The following PKP4 variants were observed in gnomAD, a reference collection of about 807,000 sequenced individuals.
PKP4 encodes plakophilin-4.
Under a neutral mutation model 145.1 loss-of-function variants are expected in PKP4, and 90 were observed. The ratio of observed to expected loss-of-function variants is 0.62; its 90% CI spans 0.52 to 0.74. PKP4 has a LOEUF of 0.74. Ranked by LOEUF, PKP4 falls within the 30% of genes least tolerant of loss-of-function variation. The probability of loss-of-function intolerance (pLI) is 0.00; values close to 1 mark genes in which losing one functional copy is unlikely to be tolerated. For synonymous variants in PKP4, 563 were observed against 577.2 expected, an observed-to-expected ratio of 0.98 and a Z score of 0.35; for missense variants, 1,340 against 1,482.7, an observed-to-expected ratio of 0.90 and a Z score of 1.58.
In PKP4 at chr2:158,515,165, G is replaced by T. The variant is rs562692322; in HGVS notation, c.-5-18015G>T. ...ATAACCCAGATGGGGGAATTTATCTGTGCAACCAAAGTACCAGAGTGTACA... is the reference window on the plus strand; with the variant it reads ...ATAACCCAGATGGGGGAATTTATCTTTGCAACCAAAGTACCAGAGTGTACA... On this transcript the variant is annotated intron_variant, in intron 1 of 21. Transcript: ENST00000389759. Among the ~76,000 whole-genome samples, 5 of 152,264 alleles carry T rather than the reference G, an allele frequency of 3.3e-5. No homozygotes were observed. The South Asian group carries it at 6.2e-4, about 19-fold the overall frequency.
chr2:158,655,398 C>G (rs1345411580), intron 11 of PKP4, among the ~76,000 whole-genome samples: 1 of 150,036 alleles, frequency 6.7e-6, no homozygotes, highest in Non-Finnish European at 1.5e-5. Flanking sequence ...GGAGTAGAGA[C>G]AGAAACAACA....
At chr2:158,522,618 G>T (rs957874312) in intron 1 of PKP4, among the ~76,000 whole-genome samples, 4 of 150,652 alleles carry the variant, frequency 2.7e-5, no homozygotes, top group Middle Eastern at 3.4e-3. Flanking sequence ...GAGACCTGGA[G>T]GGGGAGGAGC....
At chr2:158,604,007 C>A (rs1020700980) in intron 4 of PKP4, among the ~76,000 whole-genome samples, 1 of 152,228 alleles carries the variant, frequency 6.6e-6, no homozygotes, top group African/African-American at 2.4e-5. Context: ...AGAAAAATAG[C>A]GTTAACTCAA....
intron 1 of PKP4, among the ~76,000 whole-genome samples, chr2:158,523,425 T>C (rs2042624117): frequency 2.2e-5 from 2 of 92,898 alleles, no homozygotes; most frequent in Admixed American, 2.5e-4. Context: ...GAGGGTCCTG[T>C]CTGTTAGAAG....
Position 158,529,324 on chromosome 2 carries a change from C to T in PKP4, c.-5-3856C>T, listed in dbSNP as rs570810079. Among the ~76,000 whole-genome samples the T allele has an allele frequency of 6.6e-5, 10 of 152,320 alleles. No individual in the cohort carries two copies. In the South Asian group the frequency reaches 2.1e-3, roughly 32 times the overall value. On this transcript the variant is annotated intron_variant, in intron 1 of 21. Coordinates refer to ENST00000389759, the MANE Select transcript of PKP4 (RefSeq NM_003628.6). Reference sequence around the variant, plus strand: ...CCTTCAGAGGCTTATAGGCATCTGCCTGTCAACATTGGATTTCTCTTCTTC... The same window carrying T: ...CCTTCAGAGGCTTATAGGCATCTGCTTGTCAACATTGGATTTCTCTTCTTC...
intron 11 of PKP4, among the ~76,000 whole-genome samples, chr2:158,652,979 C>T (rs1277811312): frequency 3.9e-5 from 6 of 152,134 alleles, no homozygotes; most frequent in South Asian, 4.2e-4. Context: ...GCACTCAGAG[C>T]GAGGTTCACT....
At chr2:158,650,529 A>C (rs1055256927) in intron 11 of PKP4, among the ~76,000 whole-genome samples, 1 of 152,202 alleles carries the variant, frequency 6.6e-6, no homozygotes. Context: ...GGCACTAAAG[A>C]TCTATCTTGT....
intron 1 of PKP4, among the ~76,000 whole-genome samples, chr2:158,477,967 G>C (rs764352895): frequency 2.6e-5 from 4 of 152,166 alleles, no homozygotes; most frequent in Non-Finnish European, 5.9e-5. Context: ...ATATATAACT[G>C]ATAAGCCAGG....
intron 1 of PKP4, among the ~76,000 whole-genome samples, chr2:158,464,724 C>CCATT (rs1363724962): frequency 6.6e-6 from 1 of 152,208 alleles, no homozygotes; most frequent in Non-Finnish European, 1.5e-5. Flanking sequence ...CCATTATTTA[C>CCATT]CACTTTGCAG....
intron 3 of PKP4, among the ~76,000 whole-genome samples, chr2:158,593,150 T>C (rs1488996606): frequency 6.6e-6 from 1 of 152,170 alleles, no homozygotes; most frequent in African/African-American, 2.4e-5. Flanking sequence ...AGAATAGAAA[T>C]GAGGAAGGCA....
intron 9 of PKP4, 78 bp downstream of exon 9, chr2:158,634,367 G>T (rs1023588853): frequency 3.8e-6 from 4 of 1,050,242 alleles, no homozygotes; most frequent in Non-Finnish European, 5.9e-6. Flanking sequence ...ACTTTTTTAA[G>T]TTGCTAAGTC....
chr2:158,625,022 G>A lies in PKP4; in HGVS notation c.748G>A (p.Val250Met). 1 of 1,614,192 alleles carries A rather than the reference G, an allele frequency of 6.2e-7. No homozygotes were observed. The highest frequency in any genetic ancestry group is 8.5e-7 in the Non-Finnish European group (1 of 1,180,030). Reference protein sequence around the residue: ...SLGSGFGSPSVTDPRPLNPSA... With the variant: ...SLGSGFGSPSMTDPRPLNPSA... Reference sequence around the variant, plus strand: ...GGGTAGTGGATTTGGCTCTCCGTCAGTGACCGACCCCCGACCTCTGAACCC... The same window carrying A: ...GGGTAGTGGATTTGGCTCTCCGTCAATGACCGACCCCCGACCTCTGAACCC... The change falls in exon 7 of 22, where the codon GTG becomes ATG. Residue 250 changes from valine (V) to methionine (M), a missense_variant. Val to Met is a conservative substitution (Grantham distance 21). Transcript: ENST00000389759.
intron 15 of PKP4, among the ~76,000 whole-genome samples, chr2:158,665,013 G>T (rs1025367708): frequency 2.6e-5 from 4 of 152,238 alleles, no homozygotes; most frequent in Admixed American, 2.0e-4. Context: ...ATCATTTAGT[G>T]AGAGAGTTAG....
intron 20 of PKP4, 130 bp from the exon 21 acceptor site, chr2:158,678,451 G>A: frequency 1.4e-6 from 1 of 695,058 alleles, no homozygotes; most frequent in Non-Finnish European, 2.6e-6. Flanking sequence ...ACCTCTCCCA[G>A]CCCGCATTGG....
chr2:158,458,699 A>AT (rs893319764), intron 1 of PKP4, among the ~76,000 whole-genome samples: 2 of 152,042 alleles, frequency 1.3e-5, no homozygotes, highest in East Asian at 1.9e-4. Context: ...AAGAAGTGTA[A>AT]TTTTTTTCCC....
chr2:158,494,405 A>G (rs1184607894), intron 1 of PKP4, among the ~76,000 whole-genome samples: 2 of 152,232 alleles, frequency 1.3e-5, no homozygotes, highest in African/African-American at 4.8e-5. Flanking sequence ...AATGATATGA[A>G]TAAATAAAAT....
chr2:158,653,251 T>G (rs1380375089), intron 11 of PKP4, among the ~76,000 whole-genome samples: 3 of 152,238 alleles, frequency 2.0e-5, no homozygotes, highest in Non-Finnish European at 4.4e-5. Context: ...GTTTTGTTTT[T>G]TTTAATATCC....
chr2:158,642,768 T>C, intron 11 of PKP4, 69 bp downstream of exon 11: 1 of 1,143,546 alleles, frequency 8.7e-7, no homozygotes, highest in Middle Eastern at 2.0e-4. Flanking sequence ...CCTTGTATAG[T>C]GGCACTATGG....
At chr2:158,491,545 G>A (rs753456868) in intron 1 of PKP4, among the ~76,000 whole-genome samples, 28 of 151,776 alleles carry the variant, frequency 1.8e-4, no homozygotes, top group Non-Finnish European at 4.0e-4. Flanking sequence ...GTTTTCTACT[G>A]GGGGTTCTAA....
Sources: allele counts gnomAD v4.1 joint callset (sites outside exome capture counted in the v4.1 genomes callset), GRCh38; gene constraint gnomAD v4.1.1; transcripts MANE v1.5; gene names NCBI Gene and HGNC (gene_info 2026-07-23, HGNC 2026-07-21).